Variants in PLEKHD1 observed in about 807,000 individuals in gnomAD.
The protein encoded by PLEKHD1 is pleckstrin homology and coiled-coil domain containing D1.
In PLEKHD1, 51 loss-of-function variants were observed where a neutral mutation model predicts 69.2. The ratio of observed to expected loss-of-function variants is 0.74; its 90% CI spans 0.59 to 0.93. The LOEUF (loss-of-function observed/expected upper bound fraction) is 0.93. PLEKHD1 is among the 40% of genes least tolerant of loss of function. The pLI, the probability that PLEKHD1 is intolerant of heterozygous loss-of-function variation, is 0.00. For missense variants in PLEKHD1, 584 were observed against 641.0 expected (o/e 0.91, Z 0.96); for synonymous variants, 236 against 244.7 (o/e 0.96, Z 0.33).
chr14:69,472,254 G>A, the PLEKHD1 span, among the ~76,000 whole-genome samples: 1 of 152,152 alleles, frequency 6.6e-6, no homozygotes, highest in Non-Finnish European at 1.5e-5. Flanking sequence ...ACACATGTAT[G>A]TATGTCTGTT....
chr14:69,509,245 A>G (rs1187656243), intron 6 of PLEKHD1, among the ~76,000 whole-genome samples: 1 of 152,068 alleles, frequency 6.6e-6, no homozygotes, highest in Non-Finnish European at 1.5e-5. Flanking sequence ...AGTTCTTTGT[A>G]TATTTTGCAT....
intron 6 of PLEKHD1, among the ~76,000 whole-genome samples, chr14:69,506,222 T>C (rs1259647355): frequency 6.6e-6 from 1 of 152,258 alleles, no homozygotes; most frequent in Non-Finnish European, 1.5e-5. Flanking sequence ...CTTCCTTTCA[T>C]TGAGCTGAAG....
chr14:69,498,588 T>TTTCTCTTCTCTTCTCTTCTC (rs71102658), intron 1 of PLEKHD1, among the ~76,000 whole-genome samples: 4,316 of 108,572 alleles, frequency 0.04, 253 homozygotes, highest in East Asian at 0.073. Flanking sequence ...TTCTTTTTGT[T>TTTCTCTTCTCTTCTCTTCTC]TTCTCTTCTC....
intron 6 of PLEKHD1, among the ~76,000 whole-genome samples, chr14:69,512,520 T>G (rs1883292995): frequency 6.6e-6 from 1 of 151,916 alleles, no homozygotes; most frequent in South Asian, 2.1e-4. Flanking sequence ...ATATATTAAT[T>G]TGATGCTATG....
chr14:69,471,872 A>G, the PLEKHD1 span, among the ~76,000 whole-genome samples: 1 of 152,158 alleles, frequency 6.6e-6, no homozygotes. Flanking sequence ...ATCCACATTT[A>G]TTTTTACCAT....
intron 1 of PLEKHD1, among the ~76,000 whole-genome samples, chr14:69,488,473 G>A (rs566522789): frequency 6.6e-6 from 1 of 152,300 alleles, no homozygotes; most frequent in South Asian, 2.1e-4. Flanking sequence ...ATTTCCCTCA[G>A]CTGGCTGTGT....
At chr14:69,473,900 A>G in the PLEKHD1 span, among the ~76,000 whole-genome samples, 1 of 151,954 alleles carries the variant, frequency 6.6e-6, no homozygotes, top group African/African-American at 2.4e-5. Flanking sequence ...CCACTCCTGA[A>G]CTCTTGTTTC....
At chr14:69,477,026 A>G in the PLEKHD1 span, among the ~76,000 whole-genome samples, 5 of 151,680 alleles carry the variant, frequency 3.3e-5, no homozygotes, top group African/African-American at 1.2e-4. Flanking sequence ...TTATTTATTT[A>G]GAGACAATGT....
intron 1 of PLEKHD1, among the ~76,000 whole-genome samples, chr14:69,487,979 A>G (rs773193515): frequency 6.6e-6 from 1 of 152,066 alleles, no homozygotes; most frequent in Non-Finnish European, 1.5e-5. Context: ...CGGAACCCCT[A>G]AGGAGGAGGA....
Position 69,522,344 on chromosome 14 carries a change from A to G in PLEKHD1, c.617A>G (p.Gln206Arg). Residue 206 changes from glutamine (Q) to arginine (R), a missense_variant, in exon 7 of 13, where the codon CAG becomes CGG. Gln to Arg is a conservative substitution (Grantham distance 43). Transcript: ENST00000322564. ...AEKQQFEEVV[Q>R]ELRMEQEQIK... ...AAGCAGCAGTTCGAGGAGGTGGTGCAGGAGCTGAGAATGGAGCAGGAGCAG... is the reference window on the plus strand; with the variant it reads ...AAGCAGCAGTTCGAGGAGGTGGTGCGGGAGCTGAGAATGGAGCAGGAGCAG... 6.4e-7 allele frequency: 1 copy of G among 1,551,580 alleles called. No homozygotes were observed. The highest frequency in any genetic ancestry group is 2.4e-5 in the East Asian group (1 of 40,918).
chr14:69,489,026 C>A (rs1388266794), intron 1 of PLEKHD1, among the ~76,000 whole-genome samples: 2 of 142,252 alleles, frequency 1.4e-5, no homozygotes, highest in African/African-American at 5.1e-5. Context: ...TCACTGGGGT[C>A]GTATGATTAT....
intron 1 of PLEKHD1, among the ~76,000 whole-genome samples, chr14:69,496,969 T>C (rs1196686873): frequency 6.6e-6 from 1 of 152,140 alleles, no homozygotes; most frequent in Non-Finnish European, 1.5e-5. Context: ...CATGTGGGGT[T>C]AGGGCTTGAA....
chr14:69,495,968 T>A (rs1284793423), intron 1 of PLEKHD1, among the ~76,000 whole-genome samples: 1 of 152,252 alleles, frequency 6.6e-6, no homozygotes, highest in Non-Finnish European at 1.5e-5. Context: ...GGGATTTTTG[T>A]CTGTCTTGTT....
chr14:69,521,144 ATAATAT>A (rs778067357), intron 6 of PLEKHD1, among the ~76,000 whole-genome samples: 2 of 152,192 alleles, frequency 1.3e-5, no homozygotes, highest in African/African-American at 4.8e-5. Context: ...TATAAACATA[ATAATAT>A]TAATAATAAT....
At chr14:69,485,228 G>A (rs970675568) in intron 1 of PLEKHD1, 114 bp downstream of exon 1, 1 of 1,237,212 alleles carries the variant, frequency 8.1e-7, no homozygotes, top group Non-Finnish European at 1.1e-6. Context: ...TGACCTTGGC[G>A]TCACCCCTTT....
intron 12 of PLEKHD1, 74 bp downstream of exon 12, chr14:69,528,006 G>T (rs776389176): frequency 3.0e-5 from 47 of 1,543,424 alleles, no homozygotes; most frequent in Non-Finnish European, 4.0e-5. Flanking sequence ...GAGCCAGAAG[G>T]GTTGGCCCAG....
chr14:69,495,920 A>C (rs1882879116), intron 1 of PLEKHD1, among the ~76,000 whole-genome samples: 4 of 152,216 alleles, frequency 2.6e-5, no homozygotes. Context: ...GTCATCCGAC[A>C]CCCACTACAT....
chr14:69,502,641 T>G, intron 5 of PLEKHD1, 186 bp from the exon 6 acceptor site: 1 of 633,396 alleles, frequency 1.6e-6, no homozygotes, highest in Non-Finnish European at 2.7e-6. Context: ...AGGATGATGA[T>G]GGGGGAAGGA....
chr14:69,502,532 G>T, intron 5 of PLEKHD1: 1 of 426,394 alleles, frequency 2.3e-6, no homozygotes, highest in South Asian at 2.4e-5. Flanking sequence ...GTGGAAGGTG[G>T]GTGTGGGACT....
Sources: allele counts gnomAD v4.1 joint callset (sites outside exome capture counted in the v4.1 genomes callset), GRCh38; gene constraint gnomAD v4.1.1; transcripts MANE v1.5; gene names NCBI Gene and HGNC (gene_info 2026-07-23, HGNC 2026-07-21).